The following INPP4B variants were observed in gnomAD, a reference collection of about 807,000 sequenced individuals.
INPP4B encodes inositol polyphosphate-4-phosphatase type II B, also known as inositol polyphosphate 4-phosphatase type II.
A neutral mutation model predicts 122.5 loss-of-function variants in INPP4B; 55 were observed. The observed-to-expected ratio is 0.45, with a 90% CI of 0.36 to 0.56. INPP4B has a LOEUF of 0.56. INPP4B is among the 20% of genes least tolerant of loss of function. The pLI, the probability that INPP4B is intolerant of heterozygous loss-of-function variation, is 0.00. For missense variants in INPP4B, 1,000 were observed against 1,097.7 expected (o/e 0.91, Z 1.26); for synonymous variants, 403 against 388.7 (o/e 1.04, Z -0.43).
intron 21 of INPP4B, among the ~76,000 whole-genome samples, chr4:142,115,154 G>C (rs940615646): frequency 3.9e-5 from 6 of 152,088 alleles, no homozygotes; most frequent in Non-Finnish European, 7.4e-5. Context: ...AGAAATATGG[G>C]ACTATGTGAA....
intron 2 of INPP4B, among the ~76,000 whole-genome samples, chr4:142,708,712 G>C (rs1423465499): frequency 6.6e-6 from 1 of 152,220 alleles, no homozygotes; most frequent in Non-Finnish European, 1.5e-5. Context: ...TGTCCAGGCA[G>C]AAGTCTGCTG....
chr4:142,071,710 T>G (rs1211942259), intron 25 of INPP4B, among the ~76,000 whole-genome samples: 1 of 152,152 alleles, frequency 6.6e-6, no homozygotes, highest in Non-Finnish European at 1.5e-5. Flanking sequence ...AGAAGACATT[T>G]ATGCAGCTAC....
At chr4:142,202,654 G>A in intron 14 of INPP4B, 1 of 689,458 alleles carries the variant, frequency 1.5e-6, no homozygotes, top group Non-Finnish European at 1.8e-6. Flanking sequence ...AGTAAATTTT[G>A]GCTACTGTTG....
rs1213213244 is a variant in INPP4B at position 142,379,852 on chromosome 4, G to A, written c.372+23086C>T. On this transcript the variant is annotated intron_variant, in intron 7 of 25. Transcript: ENST00000262992. ...AAGGGATCACAACCATCAGATTGAG[G>A]GTTCATATGCATCCACCTGTACTCA... is the stretch of plus-strand genomic sequence containing the variant. Among the ~76,000 whole-genome samples, 4 of 152,184 alleles carry A rather than the reference G, an allele frequency of 2.6e-5. No homozygotes were observed. The East Asian group carries it at 7.7e-4, about 29-fold the overall frequency.
chr4:142,476,223 T>C (rs1254115691), intron 2 of INPP4B, among the ~76,000 whole-genome samples: 1 of 152,212 alleles, frequency 6.6e-6, no homozygotes, highest in Non-Finnish European at 1.5e-5. Context: ...AATAATTTCA[T>C]ATTTAGCCAA....
rs540034617 is a variant in INPP4B, at chr4:142,800,742, G to C, written c.-254+45467C>G. The stretch of plus-strand genomic sequence containing the variant: ...TTTCAGGGATTTATGTTAATTACTT[G>C]TGTGTTACATGTTGGGGATCCCTTT... On this transcript the variant is annotated intron_variant, in intron 1 of 25. Transcript: ENST00000262992. Among the ~76,000 whole-genome samples the C allele has an allele frequency of 2.6e-5, 4 of 152,250 alleles. No individual in the cohort carries two copies. The East Asian group carries it at 7.7e-4, about 29-fold the overall frequency.
intron 2 of INPP4B, among the ~76,000 whole-genome samples, chr4:142,544,130 G>GTGTGTGTGTGTGTGTGTGT (rs55638202): frequency 0.05 from 6,714 of 133,148 alleles, 511 homozygotes; most frequent in East Asian, 0.12. Flanking sequence ...GTGTGTGTGT[G>GTGTGTGTGTGTGTGTGTGT]GTGTGTGTGT....
chr4:142,542,477 T>G (rs926124259), intron 2 of INPP4B, among the ~76,000 whole-genome samples: 4 of 152,168 alleles, frequency 2.6e-5, no homozygotes, highest in African/African-American at 9.6e-5. Context: ...CTAGCAAATT[T>G]TATGTGTCTG....
intron 2 of INPP4B, among the ~76,000 whole-genome samples, chr4:142,666,863 G>T (rs747318604): frequency 6.6e-6 from 1 of 152,106 alleles, no homozygotes; most frequent in Non-Finnish European, 1.5e-5. Flanking sequence ...TGAATGGAAG[G>T]TCAACACAAC....
At chr4:142,722,376 T>C (rs945174069) in intron 2 of INPP4B, among the ~76,000 whole-genome samples, 4 of 152,168 alleles carry the variant, frequency 2.6e-5, no homozygotes, top group South Asian at 2.1e-4. Flanking sequence ...GTTTGGAATA[T>C]GTGGTGTTAA....
chr4:142,673,205 CT>C (rs1757248163), intron 2 of INPP4B, among the ~76,000 whole-genome samples: 1 of 152,080 alleles, frequency 6.6e-6, no homozygotes, highest in Non-Finnish European at 1.5e-5. Context: ...ATTATTGTGG[CT>C]ATTTTAGTTC....
intron 8 of INPP4B, among the ~76,000 whole-genome samples, chr4:142,311,223 G>T (rs1440958231): frequency 6.6e-6 from 1 of 152,112 alleles, no homozygotes; most frequent in Non-Finnish European, 1.5e-5. Flanking sequence ...GTACTTCATA[G>T]GTGGTCAACA....
chr4:142,544,247 G>A (rs528286600), intron 2 of INPP4B, among the ~76,000 whole-genome samples: 2 of 151,670 alleles, frequency 1.3e-5, no homozygotes, highest in South Asian at 2.1e-4. Context: ...AACCAGAAGC[G>A]TTACTATTGT....
chr4:142,036,280 A>G (rs1230362417), intron 25 of INPP4B, among the ~76,000 whole-genome samples: 1 of 152,162 alleles, frequency 6.6e-6, no homozygotes, highest in African/African-American at 2.4e-5. Flanking sequence ...CTTTATTGAA[A>G]TCTTGATTCC....
chr4:142,840,434 T>A (rs1465034109), intron 1 of INPP4B, among the ~76,000 whole-genome samples: 3 of 152,184 alleles, frequency 2.0e-5, no homozygotes, highest in Non-Finnish European at 1.5e-5. Context: ...TTTTCCTTTC[T>A]CTTACCCAGA....
chr4:142,789,067 A>G (rs1265518280), intron 1 of INPP4B, among the ~76,000 whole-genome samples: 1 of 152,192 alleles, frequency 6.6e-6, no homozygotes, highest in Non-Finnish European at 1.5e-5. Context: ...CAAAATCAGG[A>G]TACAAGGGAC....
At chr4:142,314,511 T>C (rs879942925) in intron 8 of INPP4B, among the ~76,000 whole-genome samples, 1 of 152,084 alleles carries the variant, frequency 6.6e-6, no homozygotes, top group Admixed American at 6.6e-5. Flanking sequence ...ATGAATTCAC[T>C]TGAGGATGAT....
chr4:142,147,000 C>T (rs1811113793), intron 17 of INPP4B, among the ~76,000 whole-genome samples: 1 of 152,152 alleles, frequency 6.6e-6, no homozygotes, highest in Non-Finnish European at 1.5e-5. Context: ...ACAGATATCA[C>T]AATAGACGAC....
chr4:142,628,837 G>C (rs1388029038), intron 2 of INPP4B, among the ~76,000 whole-genome samples: 2 of 152,022 alleles, frequency 1.3e-5, no homozygotes, highest in African/African-American at 4.8e-5. Context: ...TGCACAGCCT[G>C]CATCACAGGG....
Sources: gnomAD v4.1 joint callset for allele counts (sites outside exome capture counted in the v4.1 genomes callset) on GRCh38, gnomAD v4.1.1 for gene constraint, MANE v1.5 for transcripts, NCBI Gene and HGNC (gene_info 2026-07-23, HGNC 2026-07-21) for gene names.